The following LHFPL5 variants were observed in gnomAD, a reference collection of about 807,000 sequenced individuals.
LHFPL5 encodes the protein LHFPL tetraspan subfamily member 5 protein.
Under a neutral mutation model 18.7 loss-of-function variants are expected in LHFPL5, and 12 were observed. The observed-to-expected ratio is 0.64, with a 90% confidence interval of 0.41 to 1.04. The LOEUF is 1.04. LHFPL5 is among the 50% of genes least tolerant of loss of function. The pLI is 0.00. For synonymous variants in LHFPL5, 111 were observed against 120.2 expected (o/e 0.92, Z 0.50); for missense variants, 259 against 292.1 (o/e 0.89, Z 0.83).
In LHFPL5 at chr6:35,815,101, C is replaced by T. The variant is rs150508695; in HGVS notation, c.649+319C>T. Among the ~76,000 whole-genome samples, 89 of 152,168 alleles carry T rather than the reference C, an allele frequency of 5.8e-4. No individual in the cohort carries two copies. The East Asian group carries it at 0.016, about 27-fold the overall frequency. ...AGAAGGAGGCACTGAGGCGGGGTCT[C>T]GAAGTAATATTCCTGGAAGTTTGTT... On this transcript the variant is annotated intron_variant, in intron 2 of 3. Coordinates refer to ENST00000360215, the MANE Select transcript of LHFPL5 (RefSeq NM_182548.4).
chr6:35,818,957 A>G (rs1174177042), intron 2 of LHFPL5, among the ~76,000 whole-genome samples: 1 of 151,996 alleles, frequency 6.6e-6, no homozygotes, highest in Non-Finnish European at 1.5e-5. Flanking sequence ...TCAGCCTCCC[A>G]AACAGTTGGG....
At chr6:35,812,982 G>GAGGCAGAAGTTGC (rs1382282346) in intron 1 of LHFPL5, among the ~76,000 whole-genome samples, 2 of 152,064 alleles carry the variant, frequency 1.3e-5, no homozygotes, top group African/African-American at 4.8e-5. Flanking sequence ...TTGAATCCGG[G>GAGGCAGAAGTTGC]AGGCGGGTGT....
chr6:35,816,331 G>A (rs1768759126), intron 2 of LHFPL5, among the ~76,000 whole-genome samples: 2 of 141,432 alleles, frequency 1.4e-5, no homozygotes, highest in African/African-American at 5.3e-5. Context: ...GGACGACAGA[G>A]CGAGACTCCG....
intron 2 of LHFPL5, among the ~76,000 whole-genome samples, chr6:35,818,384 A>C (rs1768808420): frequency 8.4e-6 from 1 of 119,578 alleles, no homozygotes; most frequent in African/African-American, 3.4e-5. Flanking sequence ...TTTGAGACAG[A>C]TTCTGGCTCT....
chr6:35,809,731 TG>T (rs1768632487), intron 1 of LHFPL5, among the ~76,000 whole-genome samples: 1 of 152,062 alleles, frequency 6.6e-6, no homozygotes, highest in African/African-American at 2.4e-5. Flanking sequence ...CTGGAACTCC[TG>T]AGCTCAGGCG....
At chr6:35,818,741 G>T in intron 2 of LHFPL5, among the ~76,000 whole-genome samples, 1 of 146,668 alleles carries the variant, frequency 6.8e-6, no homozygotes, top group Admixed American at 6.9e-5. Context: ...CATTGCAAGT[G>T]ATTAATAAAT....
rs149225394 is a variant in LHFPL5, at chr6:35,823,477, A to C, written c.*512A>C. 1 of 140,750 alleles carries C rather than the reference A, an allele frequency of 7.1e-6. No individual in the cohort carries two copies. The highest frequency in any genetic ancestry group is 7.0e-5 in the Admixed American group (1 of 14,256). The allele number at this position is 140,750 out of a possible 1,614,324, so 8.7% of individuals were successfully genotyped here. ...CACACACACACACACACACACACAC[A>C]CTCTCTCTCTCTCTCAAACACACAC... is the stretch of plus-strand genomic sequence containing the variant. On this transcript the variant is annotated 3_prime_UTR_variant, in exon 4 of 4. Transcript: ENST00000360215.
chr6:35,822,250 A>G (rs1768880774), intron 3 of LHFPL5, among the ~76,000 whole-genome samples: 1 of 152,036 alleles, frequency 6.6e-6, no homozygotes, highest in Non-Finnish European at 1.5e-5. Context: ...ATCATAGATA[A>G]CAAAACTTTT....
rs762876554 is a variant in LHFPL5 at position 35,814,585 on chromosome 6, G to T, written c.452G>T (p.Gly151Val). Residue 151 changes from glycine to valine, a missense_variant, in exon 2 of 4, where the codon GGT (glycine) becomes GTT (valine). Physicochemically the swap from Gly to Val is moderately radical, Grantham distance 109. Coordinates refer to ENST00000360215, the MANE Select transcript of LHFPL5 (RefSeq NM_182548.4). The surrounding 1 kb of genome is among the most constrained non-coding windows in gnomAD (Gnocchi z 4.2). ...LMIGCLVYPD[G>V]WDSSEVRRMC... ...ATTGGCTGCCTGGTCTACCCTGATG[G>T]TTGGGACTCAAGTGAGGTGCGGCGC... is the stretch of plus-strand genomic sequence containing the variant. 2 of 1,614,202 alleles carry T rather than the reference G, an allele frequency of 1.2e-6. No individual in the cohort carries two copies. The highest frequency in any genetic ancestry group is 2.2e-5 in the South Asian group (2 of 91,080).
intron 2 of LHFPL5, among the ~76,000 whole-genome samples, chr6:35,818,236 G>A (rs1375429404): frequency 1.3e-5 from 2 of 151,846 alleles, no homozygotes; most frequent in East Asian, 3.9e-4. Flanking sequence ...GATTGCTAAT[G>A]GGCACAGGGT....
intron 1 of LHFPL5, among the ~76,000 whole-genome samples, chr6:35,813,284 T>G (rs754937209): frequency 7.1e-6 from 1 of 141,584 alleles, no homozygotes; most frequent in Non-Finnish European, 1.5e-5. Flanking sequence ...CTTGGTCTGT[T>G]GCCCAGGCTG....
intron 3 of LHFPL5, among the ~76,000 whole-genome samples, chr6:35,820,539 A>C (rs1581975897): frequency 2.0e-5 from 3 of 152,106 alleles, no homozygotes; most frequent in African/African-American, 7.2e-5. Flanking sequence ...TCTCTACTAA[A>C]AATACAAAAA....
chr6:35,819,583 C>A, intron 3 of LHFPL5, 120 bp downstream of exon 3: 4 of 970,332 alleles, frequency 4.1e-6, no homozygotes, highest in Non-Finnish European at 6.5e-6. Flanking sequence ...TGTGATGCTG[C>A]TTGGGGAGAG....
intron 2 of LHFPL5, among the ~76,000 whole-genome samples, chr6:35,816,454 G>C (rs1768763047): frequency 6.6e-6 from 1 of 152,034 alleles, no homozygotes; most frequent in Non-Finnish European, 1.5e-5. Context: ...GATTCCTATA[G>C]TTCCTGGGTC....
chr6:35,807,633 A>G (rs931909930), intron 1 of LHFPL5, among the ~76,000 whole-genome samples: 2 of 152,180 alleles, frequency 1.3e-5, no homozygotes, highest in African/African-American at 4.8e-5. Context: ...ACCACCAAAC[A>G]TGCAGATTCA....
At position 35,805,874 on chromosome 6, in the gene LHFPL5, C is replaced by T. The variant is rs762676826; in HGVS notation, c.204C>T (p.Cys68=). 5 of 1,614,234 alleles carry T rather than the reference C, an allele frequency of 3.1e-6. No homozygotes were observed. Among genetic ancestry groups the T allele is most frequent in the Non-Finnish European group, 4.2e-6 (5 of 1,180,034 alleles). Residue 68 remains cysteine, a synonymous_variant, in exon 1 of 4, where the codon TGC becomes TGT. Transcript: ENST00000360215. This position sits in a 1 kb window ranked among gnomAD's most constrained non-coding sequence, Gnocchi z 4.3. ...QAGYFGLFSY[C]VGNVLSSELI... ...GCTACTTCGGCCTTTTCTCCTACTGCGTGGGTAACGTGCTGTCCTCCGAGC... is the reference window on the plus strand; with the variant it reads ...GCTACTTCGGCCTTTTCTCCTACTGTGTGGGTAACGTGCTGTCCTCCGAGC...
chr6:35,817,871 A>C (rs1768791195), intron 2 of LHFPL5, among the ~76,000 whole-genome samples: 1 of 152,250 alleles, frequency 6.6e-6, no homozygotes, highest in Non-Finnish European at 1.5e-5. Context: ...CAAGAAAATT[A>C]AAAACAAATG....
At position 35,823,448 on chromosome 6, in the gene LHFPL5, TAC is replaced by T. The variant is rs70975109; in HGVS notation, c.*512_*513del. 4,445 of 76,698 alleles carry T rather than the reference TAC, an allele frequency of 0.058. 217 individuals carry two copies. Among genetic ancestry groups the T allele is most frequent in the African/African-American group, 0.18 (3,624 of 19,820 alleles). 4.8% of individuals were successfully genotyped at this position (76,698 alleles called of 1,614,324 possible). Reference sequence around the variant, plus strand: ...ACATACATACACACACACATATATATACACACACACACACACACACACACACA... The same window carrying T: ...ACATACATACACACACACATATATATACACACACACACACACACACACACA... On this transcript the variant is annotated 3_prime_UTR_variant, in exon 4 of 4. Transcript: ENST00000360215.
At chr6:35,818,453 G>C (rs1212014039) in intron 2 of LHFPL5, among the ~76,000 whole-genome samples, 1 of 146,018 alleles carries the variant, frequency 6.8e-6, no homozygotes, top group Non-Finnish European at 1.5e-5. Context: ...TCACCTCCTG[G>C]GCTCAAGTGA....
Sources: gnomAD v4.1 joint callset for allele counts (sites outside exome capture counted in the v4.1 genomes callset) on GRCh38, gnomAD v4.1.1 for gene constraint, Gnocchi (gnomAD v3.1) non-coding constraint, MANE v1.5 for transcripts, NCBI Gene and HGNC (gene_info 2026-07-23, HGNC 2026-07-21) for gene names.